Variants in TFCP2 observed in about 807,000 individuals in gnomAD.
The protein encoded by TFCP2 is transcription factor CP2.
TFCP2 carries 33 observed loss-of-function variants against 73.4 expected under a neutral mutation model. That is an observed-to-expected ratio of 0.45 (90% CI 0.34 to 0.60). The LOEUF is 0.60. Among genes scored for constraint, TFCP2 ranks in the 20% least tolerant of loss-of-function variants. The probability of loss-of-function intolerance (pLI) is 0.01; values close to 1 mark genes in which losing one functional copy is unlikely to be tolerated. For synonymous variants in TFCP2, 193 were observed against 211.6 expected, an observed-to-expected ratio of 0.91 and a Z score of 0.76; for missense variants, 352 against 604.0, an observed-to-expected ratio of 0.58 and a Z score of 4.37.
intron 1 of TFCP2, among the ~76,000 whole-genome samples, chr12:51,146,923 G>A (rs1051099150): frequency 6.6e-6 from 1 of 152,166 alleles, no homozygotes; most frequent in African/African-American, 2.4e-5. Context: ...GGAGCATATG[G>A]TGAAGACAAA....
intron 1 of TFCP2, among the ~76,000 whole-genome samples, chr12:51,162,309 G>T (rs1941665968): frequency 6.6e-6 from 1 of 152,106 alleles, no homozygotes; most frequent in African/African-American, 2.4e-5. Context: ...CGCCAGGCGT[G>T]GTAGCCCATG....
At chr12:51,125,054 C>A in intron 1 of TFCP2, 1 of 749,158 alleles carries the variant, frequency 1.3e-6, no homozygotes, top group Non-Finnish European at 2.5e-6. Context: ...TCGTGATGTA[C>A]GTCAGCACAG....
intron 1 of TFCP2, among the ~76,000 whole-genome samples, chr12:51,143,865 G>A (rs955996264): frequency 2.0e-5 from 3 of 152,092 alleles, no homozygotes; most frequent in Admixed American, 2.0e-4. Context: ...CAGATACAAA[G>A]CAGACAAATT....
intron 1 of TFCP2, among the ~76,000 whole-genome samples, chr12:51,157,689 T>TTC (rs1302130657): frequency 4.5e-5 from 6 of 132,162 alleles, no homozygotes; most frequent in South Asian, 2.6e-4. Flanking sequence ...TTCTTTTCTT[T>TTC]TTTTTTTTTT....
At chr12:51,104,971 C>T (rs1315895921) in intron 8 of TFCP2, among the ~76,000 whole-genome samples, 2 of 152,046 alleles carry the variant, frequency 1.3e-5, no homozygotes, top group Non-Finnish European at 2.9e-5. Context: ...CTCCGCCTCC[C>T]AAAGTGCTGG....
At chr12:51,120,253 T>C (rs558632641) in intron 1 of TFCP2, among the ~76,000 whole-genome samples, 7 of 149,638 alleles carry the variant, frequency 4.7e-5, no homozygotes, top group Admixed American at 2.7e-4. Flanking sequence ...TAAATGTTCA[T>C]GAGTAAGAGA....
Position 51,095,145 on chromosome 12 carries a change from T to G in TFCP2, c.*96A>C. On this transcript the variant is annotated 3_prime_UTR_variant, in exon 15 of 15. Transcript: ENST00000257915. ...ACACACAGTCAGACGAGTCAGGTTC[T>G]TGCAGACCTTCAAATCTCCATTCAT... 1 of 1,371,132 alleles carries G rather than the reference T, an allele frequency of 7.3e-7. No individual in the cohort carries two copies. Among genetic ancestry groups the G allele is most frequent in the Non-Finnish European group, 1.0e-6 (1 of 958,862 alleles). 84.9% of individuals were successfully genotyped at this position (1,371,132 alleles called of 1,614,324 possible). A position where few individuals can be genotyped will look rare whatever the true frequency, so the allele number is the denominator to read the frequency against.
At chr12:51,125,815 A>C (rs572705188) in intron 1 of TFCP2, among the ~76,000 whole-genome samples, 1 of 152,298 alleles carries the variant, frequency 6.6e-6, no homozygotes, top group South Asian at 2.1e-4. Flanking sequence ...CAGAAATCAC[A>C]GGCTGGGCGT....
chr12:51,122,253 C>CTTTTTTT (rs11347975), intron 1 of TFCP2, among the ~76,000 whole-genome samples: 50 of 73,136 alleles, frequency 6.8e-4, no homozygotes, highest in African/African-American at 1.7e-3. Context: ...TTTTTCTTTT[C>CTTTTTTT]TTTTTTTTTT....
rs767456873 is a variant in TFCP2 at position 51,098,964 on chromosome 12, C to T, written c.1277-46G>A. The T allele has an allele frequency of 3.6e-5, 57 of 1,597,942 alleles. No individual in the cohort carries two copies. The Admixed American group carries it at 9.4e-4, about 26-fold the overall frequency. ...CAGCAGTCAGTACAAAGTTTGTCCA[C>T]TCTTACAGGTAACTTGATCACTAGG... On this transcript the variant is annotated intron_variant, in intron 12 of 14. Coordinates refer to ENST00000257915, the MANE Select transcript of TFCP2 (RefSeq NM_005653.5).
At chr12:51,133,196 C>T (rs1940988754) in intron 1 of TFCP2, among the ~76,000 whole-genome samples, 1 of 151,716 alleles carries the variant, frequency 6.6e-6, no homozygotes, top group Admixed American at 6.6e-5. Context: ...AATAACAGAG[C>T]ACAAAACCAC....
At chr12:51,164,186 C>CA (rs1223263192) in intron 1 of TFCP2, among the ~76,000 whole-genome samples, 1 of 152,106 alleles carries the variant, frequency 6.6e-6, no homozygotes, top group African/African-American at 2.4e-5. Flanking sequence ...GCCTGGGTAA[C>CA]AGAGCACGGC....
At chr12:51,142,073 C>T (rs574417141) in intron 1 of TFCP2, among the ~76,000 whole-genome samples, 6 of 151,404 alleles carry the variant, frequency 4.0e-5, no homozygotes, top group African/African-American at 9.7e-5. Flanking sequence ...CGTGGTGGTG[C>T]ACACCTGTAA....
intron 6 of TFCP2, among the ~76,000 whole-genome samples, chr12:51,108,776 T>C (rs1940321670): frequency 6.6e-6 from 1 of 151,890 alleles, no homozygotes; most frequent in Non-Finnish European, 1.5e-5. Context: ...AATAAATAAA[T>C]AAATAAATAA....
chr12:51,104,172 G>T lies in TFCP2; in HGVS notation c.949C>A (p.Pro317Thr), dbSNP rs1234968429. The change falls in exon 9 of 15, where the codon CCC (proline) becomes ACC (threonine). Residue 317 changes from proline (P) to threonine (T), a missense_variant. Pro to Thr is a conservative substitution (Grantham distance 38, BLOSUM62 -1). This residue lies in a region of TFCP2 where 194 missense variants were observed against 256.3 expected (regional missense o/e 0.76). Coordinates refer to ENST00000257915, the MANE Select transcript of TFCP2 (RefSeq NM_005653.5). ...NGSPNHQPEP[P>T]PPVTDNLLPT... Reference sequence around the variant, plus strand: ...AGACTTACATCTGTGACTGGAGGGGGTGGCTCTGGCTGGTGGTTTGGTGAA... The same window carrying T: ...AGACTTACATCTGTGACTGGAGGGGTTGGCTCTGGCTGGTGGTTTGGTGAA... 9.9e-6 allele frequency: 16 copies of T among 1,613,998 alleles called. No individual in the cohort carries two copies. Among genetic ancestry groups the T allele is most frequent in the Non-Finnish European group, 1.4e-5 (16 of 1,180,020 alleles).
At chr12:51,156,760 A>T (rs1004074757) in intron 1 of TFCP2, 1 of 152,134 alleles carries the variant, frequency 6.6e-6, no homozygotes, top group African/African-American at 2.4e-5. Flanking sequence ...TACATTTTCT[A>T]TTTCTTAGTA....
chr12:51,169,207 A>G (rs1012475164), intron 1 of TFCP2, among the ~76,000 whole-genome samples: 3 of 152,116 alleles, frequency 2.0e-5, no homozygotes, highest in Non-Finnish European at 4.4e-5. Context: ...AAATGTGTAT[A>G]AGTCAAGAGA....
Position 51,104,144 on chromosome 12 carries a change from T to C in TFCP2, c.966+11A>G. The C allele has an allele frequency of 6.2e-7, 1 of 1,613,966 alleles. No homozygotes were observed. The stretch of plus-strand genomic sequence containing the variant: ...ACATTGCAAGTAACTGACATTCAAC[T>C]TTAGACTTACATCTGTGACTGGAGG... On this transcript the variant is annotated intron_variant, in intron 9 of 14. Coordinates refer to ENST00000257915, the MANE Select transcript of TFCP2 (RefSeq NM_005653.5).
chr12:51,129,004 CAAT>C (rs1940879279), intron 1 of TFCP2, among the ~76,000 whole-genome samples: 1 of 151,948 alleles, frequency 6.6e-6, no homozygotes, highest in Non-Finnish European at 1.5e-5. Flanking sequence ...AAAAAATCAA[CAAT>C]AACAACAAAA....
Sources: allele counts gnomAD v4.1 joint callset (sites outside exome capture counted in the v4.1 genomes callset), GRCh38; gene constraint gnomAD v4.1.1; regional missense constraint gnomAD v4.1.1; transcripts MANE v1.5; gene names NCBI Gene and HGNC (gene_info 2026-07-23, HGNC 2026-07-21).